Variants in GREB1L observed in about 807,000 individuals in gnomAD.
The protein encoded by GREB1L is GREB1-like protein.
In GREB1L, 17 loss-of-function variants were observed where a neutral mutation model predicts 200.8. The ratio of observed to expected loss-of-function variants is 0.08; its 90% CI spans 0.06 to 0.13. The LOEUF is 0.13. GREB1L is among the 10% of genes least tolerant of loss of function. The probability of loss-of-function intolerance (pLI) is 1.00; values close to 1 mark genes in which losing one functional copy is unlikely to be tolerated. For missense variants in GREB1L, 1,657 were observed against 2,367.7 expected (o/e 0.70, Z 6.23); for synonymous variants, 789 against 893.0 (o/e 0.88, Z 2.08).
rs2033899615 is a variant in GREB1L at position 21,441,518 on chromosome 18, T to G, written c.1188T>G (p.Val396=). 6.4e-7 allele frequency: 1 copy of G among 1,551,082 alleles called. No individual in the cohort carries two copies. Among genetic ancestry groups the G allele is most frequent in the African/African-American group, 1.4e-5 (1 of 72,992 alleles). The change falls in exon 10 of 33, where the codon GTT becomes GTG. Residue 396 remains valine, a synonymous_variant. Transcript: ENST00000424526. ...VPENLLSNSG[V]RPVILIGYGT... ...AAAACCTGCTGAGTAACTCAGGAGT[T>G]AGACCAGTAATTCTGATAGGTAAGG... is the stretch of plus-strand genomic sequence containing the variant.
intron 11 of GREB1L, among the ~76,000 whole-genome samples, chr18:21,446,893 C>T (rs751262045): frequency 3.9e-5 from 6 of 152,182 alleles, no homozygotes; most frequent in Non-Finnish European, 8.8e-5. Context: ...AGTCATTTCA[C>T]AGTCAGAAAA....
At chr18:21,305,169 T>A (rs934089846) in intron 1 of GREB1L, among the ~76,000 whole-genome samples, 4 of 151,940 alleles carry the variant, frequency 2.6e-5, no homozygotes, top group African/African-American at 9.7e-5. Context: ...AGAGACGGGG[T>A]TTCACCATGT....
rs145874182 is a variant in GREB1L at position 21,483,698 on chromosome 18, C to T, written c.2557-1922C>T. Among the ~76,000 whole-genome samples the T allele has an allele frequency of 1.8e-3, 277 of 152,150 alleles. 1 individual carries two copies. Among genetic ancestry groups the T allele is most frequent in the African/African-American group, 5.1e-3 (211 of 41,504 alleles). On this transcript the variant is annotated intron_variant, in intron 17 of 32. Transcript: ENST00000424526. ...GGTTACTGAAAAGCTCAGAACCAGC[C>T]GGGCACATTGGCTCATGTCTGTAAT...
At chr18:21,413,471 A>T (rs529144126) in intron 7 of GREB1L, among the ~76,000 whole-genome samples, 1 of 152,304 alleles carries the variant, frequency 6.6e-6, no homozygotes, top group East Asian at 1.9e-4. Flanking sequence ...ATACTCAGTT[A>T]ATGCTTTTCT....
Position 21,384,238 on chromosome 18 carries a change from G to T in GREB1L, c.190G>T (p.Asp64Tyr). Residue 64 changes from aspartate to tyrosine, a missense_variant, in exon 4 of 33, where the codon GAT (aspartate) becomes TAT (tyrosine). By Grantham distance (160) the Asp-to-Tyr change is radical. Coordinates refer to ENST00000424526, the MANE Select transcript of GREB1L (RefSeq NM_001142966.3). ...ACCCAAGGTGGAGGATCTGGACAAA[G>T]ATTTGGTAAACCGCTACACTCAAAA... Reference protein sequence around the residue: ...VKPKVEDLDKDLVNRYTQNGS... With the variant: ...VKPKVEDLDKYLVNRYTQNGS... 6.4e-7 allele frequency: 1 copy of T among 1,551,380 alleles called. No homozygotes were observed. The highest frequency in any genetic ancestry group is 8.7e-7 in the Non-Finnish European group (1 of 1,146,754).
In GREB1L at chr18:21,378,977, C is replaced by G. The variant is rs548426334; in HGVS notation, c.-9-4533C>G. Among the ~76,000 whole-genome samples, 9 of 151,002 alleles carry G rather than the reference C, an allele frequency of 6.0e-5. 1 individual carries two copies. Among genetic ancestry groups the G allele is most frequent in the African/African-American group, 2.2e-4 (9 of 41,158 alleles). On this transcript the variant is annotated intron_variant, in intron 2 of 32. Coordinates refer to ENST00000424526, the MANE Select transcript of GREB1L (RefSeq NM_001142966.3). ...CTCCAACTCCTGAGCTCAAGTGATC[C>G]TCCCTCCTCAGTCTTCCAAAGTGCT...
At chr18:21,433,091 A>G (rs2033287059) in intron 7 of GREB1L, among the ~76,000 whole-genome samples, 1 of 152,256 alleles carries the variant, frequency 6.6e-6, no homozygotes, top group African/African-American at 2.4e-5. Context: ...TTATGAACAC[A>G]TAGTGATTAT....
At chr18:21,392,422 C>T (rs528422415) in intron 4 of GREB1L, among the ~76,000 whole-genome samples, 5 of 151,770 alleles carry the variant, frequency 3.3e-5, no homozygotes, top group Admixed American at 2.0e-4. Flanking sequence ...GTAATATGAC[C>T]GACATATTTA....
At chr18:21,482,772 C>T (rs972337052) in intron 17 of GREB1L, among the ~76,000 whole-genome samples, 1 of 150,668 alleles carries the variant, frequency 6.6e-6, no homozygotes, top group African/African-American at 2.4e-5. Context: ...TCATCACCAA[C>T]GCCCGCAGCG....
intron 1 of GREB1L, among the ~76,000 whole-genome samples, chr18:21,310,564 A>G (rs1047974214): frequency 2.0e-5 from 3 of 152,322 alleles, no homozygotes; most frequent in East Asian, 3.9e-4. Context: ...CTGTATACTC[A>G]TGAGAGAATG....
In GREB1L at chr18:21,420,656, G is replaced by T. The variant is rs572073004; in HGVS notation, c.832+16662G>T. Among the ~76,000 whole-genome samples the T allele has an allele frequency of 2.3e-3, 357 of 152,326 alleles. 1 individual carries two copies. The highest frequency in any genetic ancestry group is 4.5e-3 in the Non-Finnish European group (306 of 68,028). ...GACTACATCAAGCAATGGTGAGGAT[G>T]TAGAGGTGGTAGAACTCTAATGCAG... On this transcript the variant is annotated intron_variant, in intron 7 of 32. Coordinates refer to ENST00000424526, the MANE Select transcript of GREB1L (RefSeq NM_001142966.3).
intron 17 of GREB1L, among the ~76,000 whole-genome samples, chr18:21,478,561 T>A (rs78248834): frequency 1.3e-5 from 2 of 152,244 alleles, no homozygotes; most frequent in African/African-American, 4.8e-5. Flanking sequence ...TTGGCGCTCT[T>A]GTCTTCAAGC....
intron 2 of GREB1L, among the ~76,000 whole-genome samples, chr18:21,375,094 C>T (rs1263210390): frequency 6.7e-6 from 1 of 149,936 alleles, no homozygotes; most frequent in Non-Finnish European, 1.5e-5. Flanking sequence ...GATGGAGTCT[C>T]ACTCTGTTGC....
At chr18:21,353,298 C>T (rs2039460933) in intron 1 of GREB1L, among the ~76,000 whole-genome samples, 1 of 151,840 alleles carries the variant, frequency 6.6e-6, no homozygotes, top group Non-Finnish European at 1.5e-5. Flanking sequence ...GTTTCACTTA[C>T]GGATGGATTT....
At chr18:21,350,798 A>G (rs1175904338) in intron 1 of GREB1L, among the ~76,000 whole-genome samples, 1 of 152,184 alleles carries the variant, frequency 6.6e-6, no homozygotes, top group Non-Finnish European at 1.5e-5. Context: ...GAAGTGGGGA[A>G]AAGATTGTAG....
intron 15 of GREB1L, among the ~76,000 whole-genome samples, chr18:21,457,653 A>G (rs2034830849): frequency 6.6e-6 from 1 of 152,124 alleles, no homozygotes. Flanking sequence ...ATTCTTAATG[A>G]ATGTATAGTC....
At chr18:21,424,317 T>G (rs2032392681) in intron 7 of GREB1L, among the ~76,000 whole-genome samples, 1 of 152,178 alleles carries the variant, frequency 6.6e-6, no homozygotes, top group Non-Finnish European at 1.5e-5. Flanking sequence ...CCTGTAATCC[T>G]AGCACTTTGG....
At chr18:21,295,383 T>C (rs1238427026) in intron 1 of GREB1L, among the ~76,000 whole-genome samples, 1 of 152,184 alleles carries the variant, frequency 6.6e-6, no homozygotes, top group Non-Finnish European at 1.5e-5. Flanking sequence ...GAGCAAATCT[T>C]AGTGACTGGA....
intron 1 of GREB1L, among the ~76,000 whole-genome samples, chr18:21,330,982 T>G (rs1303472517): frequency 2.0e-5 from 3 of 152,236 alleles, no homozygotes; most frequent in Non-Finnish European, 4.4e-5. Flanking sequence ...TAACACTTTC[T>G]AATATACATA....
Sources: gnomAD v4.1 joint callset for allele counts (sites outside exome capture counted in the v4.1 genomes callset) on GRCh38, gnomAD v4.1.1 for gene constraint, MANE v1.5 for transcripts, NCBI Gene and HGNC (gene_info 2026-07-23, HGNC 2026-07-21) for gene names.